The following LUZP2 variants were observed in gnomAD, a reference collection of about 807,000 sequenced individuals.
LUZP2 encodes leucine zipper protein 2.
A neutral mutation model predicts 51.6 loss-of-function variants in LUZP2; 52 were observed. That is an observed-to-expected ratio of 1.01 (90% CI 0.81 to 1.27). LUZP2 has a LOEUF of 1.27. LUZP2 is among the 50% of genes most tolerant of loss of function. LUZP2 has a pLI of 0.00. For missense variants in LUZP2, 436 were observed against 395.4 expected (o/e 1.10, Z -0.87); for synonymous variants, 154 against 137.3 (o/e 1.12, Z -0.85).
intron 9 of LUZP2, among the ~76,000 whole-genome samples, chr11:24,991,376 ATG>A (rs745691448): frequency 4.2e-3 from 524 of 126,188 alleles, no homozygotes; most frequent in African/African-American, 5.7e-3. Flanking sequence ...GTGTATATAT[ATG>A]TGTGTGTGTG....
chr11:24,770,535 C>T (rs1860368132), intron 5 of LUZP2, among the ~76,000 whole-genome samples: 2 of 152,126 alleles, frequency 1.3e-5, no homozygotes, highest in South Asian at 4.1e-4. Context: ...TCTTCTTCAG[C>T]TCCTGTTATC....
chr11:24,589,878 C>G (rs1017555628), intron 1 of LUZP2, among the ~76,000 whole-genome samples: 18 of 152,168 alleles, frequency 1.2e-4, no homozygotes, highest in Admixed American at 1.2e-3. Flanking sequence ...AGTTCTAACA[C>G]TGAATCTTAG....
At chr11:24,730,834 G>A (rs1858686233) in intron 2 of LUZP2, among the ~76,000 whole-genome samples, 1 of 151,672 alleles carries the variant, frequency 6.6e-6, no homozygotes, top group Admixed American at 6.6e-5. Context: ...TTTGCTGAAA[G>A]GATAACAATC....
intron 9 of LUZP2, among the ~76,000 whole-genome samples, chr11:25,048,691 A>C (rs1340092961): frequency 6.6e-6 from 1 of 152,138 alleles, no homozygotes; most frequent in Non-Finnish European, 1.5e-5. Context: ...AGGATTCCTA[A>C]ACAAAAGAAA....
At chr11:24,920,308 G>A (rs1854000126) in intron 7 of LUZP2, among the ~76,000 whole-genome samples, 1 of 151,890 alleles carries the variant, frequency 6.6e-6, no homozygotes, top group South Asian at 2.1e-4. Flanking sequence ...ACTGCTTCAG[G>A]GAATTGGTAG....
intron 9 of LUZP2, among the ~76,000 whole-genome samples, chr11:25,003,269 A>G (rs745464492): frequency 3.3e-5 from 5 of 152,182 alleles, no homozygotes; most frequent in Non-Finnish European, 7.3e-5. Context: ...CTGACCAAAC[A>G]TGAGGGCTAT....
At chr11:24,660,523 C>T (rs1278713681) in intron 1 of LUZP2, among the ~76,000 whole-genome samples, 1 of 152,012 alleles carries the variant, frequency 6.6e-6, no homozygotes. Context: ...AATTTTTCTC[C>T]AACTGAATTC....
chr11:24,552,336 AAATT>A (rs1285168775), intron 1 of LUZP2, among the ~76,000 whole-genome samples: 1 of 152,042 alleles, frequency 6.6e-6, no homozygotes, highest in Non-Finnish European at 1.5e-5. Flanking sequence ...AATTCTCACA[AAATT>A]AAGAATAGAG....
intron 9 of LUZP2, among the ~76,000 whole-genome samples, chr11:25,039,915 A>T (rs996866457): frequency 6.6e-6 from 1 of 152,066 alleles, no homozygotes; most frequent in Non-Finnish European, 1.5e-5. Flanking sequence ...TTGTTTTTAG[A>T]TATCACTACA....
intron 9 of LUZP2, among the ~76,000 whole-genome samples, chr11:25,008,527 G>A (rs563101032): frequency 2.0e-5 from 3 of 152,282 alleles, no homozygotes; most frequent in African/African-American, 7.2e-5. Flanking sequence ...TCCATTTGCA[G>A]CTTGGTGAAC....
intron 1 of LUZP2, among the ~76,000 whole-genome samples, chr11:24,685,622 A>G (rs190972964): frequency 3.3e-5 from 5 of 152,258 alleles, no homozygotes; most frequent in Admixed American, 3.3e-4. Flanking sequence ...AACAAAGCCT[A>G]CTTGGGAATC....
chr11:24,973,154 C>G (rs1855794640), intron 7 of LUZP2, among the ~76,000 whole-genome samples: 1 of 147,288 alleles, frequency 6.8e-6, no homozygotes, highest in Admixed American at 6.9e-5. Context: ...TCAGTTTCTT[C>G]CTGGTTCAGT....
chr11:24,824,699 A>C (rs936553488), intron 5 of LUZP2, among the ~76,000 whole-genome samples: 1 of 152,060 alleles, frequency 6.6e-6, no homozygotes, highest in Non-Finnish European at 1.5e-5. Context: ...ATATGATCAC[A>C]CATATTTATT....
chr11:24,562,280 A>C (rs2133774695), intron 1 of LUZP2, among the ~76,000 whole-genome samples: 1 of 152,270 alleles, frequency 6.6e-6, no homozygotes, highest in Middle Eastern at 3.4e-3. Flanking sequence ...ACCACAATAT[A>C]AAATGTGGTA....
chr11:24,997,558 AT>A (rs1162642304), intron 9 of LUZP2, among the ~76,000 whole-genome samples: 1 of 152,104 alleles, frequency 6.6e-6, no homozygotes, highest in Non-Finnish European at 1.5e-5. Context: ...ATGTTCTCCC[AT>A]TTTGTAGGTT....
chr11:24,972,584 T>C (rs761990412), intron 7 of LUZP2, among the ~76,000 whole-genome samples: 8 of 152,178 alleles, frequency 5.3e-5, no homozygotes, highest in Non-Finnish European at 1.2e-4. Context: ...AATGTTGTCC[T>C]TCTATTTTTG....
intron 1 of LUZP2, among the ~76,000 whole-genome samples, chr11:24,573,096 T>C (rs1295373051): frequency 1.4e-5 from 2 of 140,824 alleles, no homozygotes; most frequent in African/African-American, 5.1e-5. Flanking sequence ...AAGGAAATTA[T>C]TGTAAATAAA....
At chr11:25,068,288 C>T (rs1451547784) in intron 10 of LUZP2, among the ~76,000 whole-genome samples, 1 of 151,874 alleles carries the variant, frequency 6.6e-6, no homozygotes, top group Non-Finnish European at 1.5e-5. Context: ...ACATTCTGTA[C>T]ATGTATCCCA....
At chr11:24,503,580 CTT>C (rs141815906) in intron 1 of LUZP2, among the ~76,000 whole-genome samples, 1 of 152,182 alleles carries the variant, frequency 6.6e-6, no homozygotes, top group Non-Finnish European at 1.5e-5. Context: ...GTTTTAATCT[CTT>C]TAAGTGTACT....
Sources: allele counts gnomAD v4.1 joint callset (sites outside exome capture counted in the v4.1 genomes callset), GRCh38; gene constraint gnomAD v4.1.1; transcripts MANE v1.5; gene names NCBI Gene and HGNC (gene_info 2026-07-23, HGNC 2026-07-21).